The following BTBD8 variants were observed in gnomAD, a reference collection of about 807,000 sequenced individuals.
BTBD8 encodes BTB/POZ domain-containing protein 8.
A neutral mutation model predicts 162.9 loss-of-function variants in BTBD8; 110 were observed. The ratio of observed to expected loss-of-function variants is 0.68; its 90% confidence interval spans 0.58 to 0.79. The LOEUF (loss-of-function observed/expected upper bound fraction) is 0.79. BTBD8 is among the 30% of genes least tolerant of loss of function. BTBD8 has a pLI of 0.00. For missense variants in BTBD8, 1,905 were observed against 2,085.4 expected (o/e 0.91, Z 1.68); for synonymous variants, 667 against 716.1 (o/e 0.93, Z 1.10).
rs2100692437 is a variant in BTBD8 at position 92,180,899 on chromosome 1, T to C, written c.3216T>C (p.Cys1072=). The C allele has an allele frequency of 6.4e-7, 1 of 1,551,686 alleles. No individual in the cohort carries two copies. The highest frequency in any genetic ancestry group is 2.4e-5 in the East Asian group (1 of 40,908). The change falls in exon 17 of 18, where the codon TGT becomes TGC. Residue 1072 remains cysteine, a synonymous_variant. Transcript: ENST00000636805. The part of the protein sequence containing the change: ...TDDCDAANIC[C]HSVGSDNVNS... ...ATTGCGATGCAGCTAACATATGTTGTCATTCTGTTGGGAGTGATAATGTAA... is the reference window on the plus strand; with the variant it reads ...ATTGCGATGCAGCTAACATATGTTGCCATTCTGTTGGGAGTGATAATGTAA...
rs1439780002 is a variant in BTBD8, at chr1:92,181,523, A to C, written c.3840A>C (p.Ser1280=). The C allele has an allele frequency of 3.9e-6, 6 of 1,551,766 alleles. No individual in the cohort carries two copies. Among genetic ancestry groups the C allele is most frequent in the Non-Finnish European group, 5.2e-6 (6 of 1,146,978 alleles). ...GAGGGTCTCAGGATGATGATGGGTC[A>C]AATGACAGAGGTATCTCTAAATGTG... ...DAGGSQDDDG[S]NDRGISKCGT... The change falls in exon 17 of 18, where the codon TCA becomes TCC. Residue 1280 remains serine, a synonymous_variant. Transcript: ENST00000636805.
At chr1:92,178,641 G>C (rs1650792417) in intron 16 of BTBD8, among the ~76,000 whole-genome samples, 190 bp downstream of exon 16, 1 of 152,040 alleles carries the variant, frequency 6.6e-6, no homozygotes. Context: ...ATGTAGGTTT[G>C]GTTTTTGTTG....
At position 92,102,504 on chromosome 1, in the gene BTBD8, A is replaced by T; in HGVS notation, c.379A>T (p.Asn127Tyr). Residue 127 changes from asparagine to tyrosine, a missense_variant, in exon 3 of 18, where the codon AAC becomes TAC. Coordinates refer to ENST00000636805, the MANE Select transcript of BTBD8 (RefSeq NM_001376131.1). ...IIYSSNRNIKNYEEEILRKKI... is the reference protein window; with the variant it reads ...IIYSSNRNIKYYEEEILRKKI... ...ATATTCATCAAACAGAAACATAAAA[A>T]ACTATGAAGAGGAAATTCTTAGGAA... 6.5e-7 allele frequency: 1 copy of T among 1,549,420 alleles called. No individual in the cohort carries two copies. Among genetic ancestry groups the T allele is most frequent in the Non-Finnish European group, 8.7e-7 (1 of 1,151,420 alleles).
At chr1:92,176,664 A>G (rs1340612331) in intron 13 of BTBD8, among the ~76,000 whole-genome samples, 165 bp from the exon 14 acceptor site, 3 of 152,220 alleles carry the variant, frequency 2.0e-5, no homozygotes, top group Admixed American at 2.0e-4. Flanking sequence ...GTAATCTAAG[A>G]CAAAGTTTTG....
Position 92,177,331 on chromosome 1 carries a change from C to T in BTBD8, c.2138C>T (p.Thr713Ile), listed in dbSNP as rs1650748756. The change falls in exon 14 of 18, where the codon ACA becomes ATA. Residue 713 changes from threonine (T) to isoleucine (I), a missense_variant. Physicochemically the swap from Thr to Ile is moderately conservative, Grantham distance 89 (BLOSUM62 -1). This residue lies in a region of BTBD8 where 1,374 missense variants were observed against 1,442.7 expected (regional missense o/e 0.95). Transcript: ENST00000636805. ...QAKAKPLKKA[T>I]GKDSPCLSIA... ...AAAGCAAAGCCTTTGAAGAAAGCTACAGGGAAGGATTCACCATGCCTCAGC... is the reference window on the plus strand; with the variant it reads ...AAAGCAAAGCCTTTGAAGAAAGCTATAGGGAAGGATTCACCATGCCTCAGC... The T allele has an allele frequency of 1.3e-6, 2 of 1,551,748 alleles. No individual in the cohort carries two copies. Among genetic ancestry groups the T allele is most frequent in the South Asian group, 1.2e-5 (1 of 84,074 alleles).
chr1:92,087,773 A>G (rs1043201798), intron 1 of BTBD8, among the ~76,000 whole-genome samples: 10 of 152,216 alleles, frequency 6.6e-5, no homozygotes, highest in Admixed American at 5.2e-4. Context: ...TGTAATGGGT[A>G]TCTTTATCAG....
intron 2 of BTBD8, among the ~76,000 whole-genome samples, chr1:92,101,508 G>A (rs190827112): frequency 1.6e-3 from 242 of 152,262 alleles, no homozygotes; most frequent in African/African-American, 5.6e-3. Context: ...ACCAGGACCC[G>A]GGGAACCTCC....
chr1:92,123,771 C>A (rs1432309361), intron 4 of BTBD8, among the ~76,000 whole-genome samples: 1 of 95,930 alleles, frequency 1.0e-5, no homozygotes, highest in East Asian at 3.3e-4. Flanking sequence ...AGCAAGACTC[C>A]GTCTCAAAAA....
intron 16 of BTBD8, among the ~76,000 whole-genome samples, chr1:92,179,983 T>TA (rs1286448268): frequency 6.6e-6 from 1 of 152,150 alleles, no homozygotes; most frequent in Non-Finnish European, 1.5e-5. Flanking sequence ...AGTTTTGGCA[T>TA]AAAAATCAAG....
Position 92,184,154 on chromosome 1 carries a change from T to G in BTBD8, c.5203T>G (p.Leu1735Val). The change falls in exon 18 of 18, where the codon TTA becomes GTA. Residue 1735 changes from leucine to valine, a missense_variant. Transcript: ENST00000636805. ...GTATCTAATCAATCAGACACTACTT[T>G]TAGCACGAGATAGCTCAAAACCTCA... ...AQYLINQTLL[L>V]ARDSSKPQGI... The G allele has an allele frequency of 6.4e-7, 1 of 1,551,610 alleles. No homozygotes were observed. Among genetic ancestry groups the G allele is most frequent in the Non-Finnish European group, 8.7e-7 (1 of 1,146,856 alleles).
chr1:92,118,803 C>CTTTTTTTTTTTTTTTTTTT (rs386367658), intron 4 of BTBD8, among the ~76,000 whole-genome samples: 226 of 95,240 alleles, frequency 2.4e-3, no homozygotes, highest in African/African-American at 3.1e-3. Flanking sequence ...TTCTTTCTTT[C>CTTTTTTTTTTTTTTTTTTT]TTTTTTTTTT....
At chr1:92,177,766 A>G (rs1312099408) in intron 14 of BTBD8, 45 bp from the exon 15 acceptor site, 6 of 1,118,826 alleles carry the variant, frequency 5.4e-6, no homozygotes, top group Non-Finnish European at 7.9e-6. Flanking sequence ...TTTGTTACAT[A>G]TTTAATGTAT....
At chr1:92,167,240 ATG>A in intron 10 of BTBD8, 100 bp downstream of exon 10, 1 of 1,372,370 alleles carries the variant, frequency 7.3e-7, no homozygotes, top group Non-Finnish European at 9.9e-7. Context: ...GATTAAATTA[ATG>A]TGATTTAAAT....
chr1:92,083,182 A>G (rs1257340791), intron 1 of BTBD8, among the ~76,000 whole-genome samples: 1 of 151,930 alleles, frequency 6.6e-6, no homozygotes, highest in Admixed American at 6.6e-5. Flanking sequence ...AACCTTGGCA[A>G]TCTGGCTCCA....
intron 2 of BTBD8, among the ~76,000 whole-genome samples, chr1:92,093,187 A>T (rs1397303103): frequency 1.7e-5 from 2 of 119,844 alleles, no homozygotes. Context: ...TGAAATACCA[A>T]TTTTTTTTTT....
intron 1 of BTBD8, among the ~76,000 whole-genome samples, chr1:92,081,454 G>C (rs1017797852): frequency 6.6e-6 from 1 of 152,216 alleles, no homozygotes; most frequent in African/African-American, 2.4e-5. Context: ...ACTTGGGTGG[G>C]CATCACTGAA....
At position 92,181,696 on chromosome 1, in the gene BTBD8, G is replaced by T. The variant is rs1401458682; in HGVS notation, c.4013G>T (p.Ser1338Ile). The T allele has an allele frequency of 1.9e-6, 3 of 1,551,418 alleles. No individual in the cohort carries two copies. The Admixed American group carries it at 5.9e-5, about 30-fold the overall frequency. Residue 1338 changes from serine (S) to isoleucine (I), a missense_variant, in exon 17 of 18, where the codon AGT becomes ATT. By Grantham distance (142) the Ser-to-Ile change is moderately radical (BLOSUM62 -2). Transcript: ENST00000636805. ...NNDLFQVNST[S>I]DDEIPRKRPE... ...GATCTTTTCCAAGTTAATTCAACGAGTGATGATGAAATCCCTAGGAAAAGG... is the reference window on the plus strand; with the variant it reads ...GATCTTTTCCAAGTTAATTCAACGATTGATGATGAAATCCCTAGGAAAAGG...
In BTBD8 at chr1:92,095,093, C is replaced by T. The variant is rs77796270; in HGVS notation, c.347+6198C>T. 4.8e-3 allele frequency among the ~76,000 whole-genome samples: 738 copies of T among 152,286 alleles called. 7 individuals are homozygous for T. Among genetic ancestry groups the T allele is most frequent in the Non-Finnish European group, 8.8e-3 (597 of 68,006 alleles). ...GCTAATTCCTAGAGATAGTAAATGA[C>T]TTGCCTGTGAACCAGCCAATCCTAA... On this transcript the variant is annotated intron_variant, in intron 2 of 17. Transcript: ENST00000636805.
At chr1:92,163,354 CAAAAA>C (rs34760395) in intron 9 of BTBD8, among the ~76,000 whole-genome samples, 2 of 20,408 alleles carry the variant, frequency 9.8e-5, no homozygotes, top group South Asian at 3.1e-3. Flanking sequence ...GATTCTGTCT[CAAAAA>C]AAAAAAAAAA....
Sources: gnomAD v4.1 joint callset for allele counts (sites outside exome capture counted in the v4.1 genomes callset) on GRCh38, gnomAD v4.1.1 for gene constraint, gnomAD v4.1.1 regional missense constraint, MANE v1.5 for transcripts, NCBI Gene and HGNC (gene_info 2026-07-23, HGNC 2026-07-21) for gene names.